STX8: variants seen among roughly 807,000 people sequenced by gnomAD.
STX8 encodes syntaxin 8, also known as syntaxin-8.
STX8 carries 23 observed loss-of-function variants against 37.5 expected under a neutral mutation model. The ratio of observed to expected loss-of-function variants is 0.61; its 90% CI spans 0.44 to 0.87. The LOEUF (loss-of-function observed/expected upper bound fraction) is 0.87, where lower values mean the gene tolerates loss of function less well. Ranked by LOEUF, STX8 falls within the 40% of genes least tolerant of loss-of-function variation. The probability of loss-of-function intolerance (pLI) is 0.00; values close to 1 mark genes in which losing one functional copy is unlikely to be tolerated. For synonymous variants in STX8, 115 were observed against 99.1 expected (o/e 1.16, Z -0.95); for missense variants, 313 against 284.7 (o/e 1.10, Z -0.71).
intron 4 of STX8, among the ~76,000 whole-genome samples, chr17:9,522,109 G>A (rs779257389): frequency 6.6e-6 from 1 of 151,890 alleles, no homozygotes. Flanking sequence ...GCCATCTTAA[G>A]CAAAAAACAA....
chr17:9,465,088 A>G (rs1905552483), intron 6 of STX8, among the ~76,000 whole-genome samples: 1 of 152,034 alleles, frequency 6.6e-6, no homozygotes, highest in East Asian at 1.9e-4. Context: ...ATTCTCCACC[A>G]TGAAGCTATT....
At chr17:9,386,642 G>GAGTC (rs146073696) in intron 6 of STX8, among the ~76,000 whole-genome samples, 5,416 of 152,154 alleles carry the variant, frequency 0.036, 197 homozygotes, top group African/African-American at 0.098. Context: ...AGACCTGCAA[G>GAGTC]AGTCATGCAA....
chr17:9,470,737 CTTTTTTT>C (rs1301463353), intron 6 of STX8, among the ~76,000 whole-genome samples: 4 of 151,748 alleles, frequency 2.6e-5, no homozygotes, highest in African/African-American at 7.3e-5. Context: ...TTTCTTTTTT[CTTTTTTT>C]GAGACAGAGT....
chr17:9,424,827 C>T (rs1913568120), intron 6 of STX8, among the ~76,000 whole-genome samples: 1 of 152,212 alleles, frequency 6.6e-6, no homozygotes, highest in Admixed American at 6.5e-5. Context: ...CTTTGTATAT[C>T]TTCCGAGGAT....
intron 7 of STX8, among the ~76,000 whole-genome samples, chr17:9,328,804 CT>C (rs1389191400): frequency 6.6e-6 from 1 of 152,074 alleles, no homozygotes; most frequent in Admixed American, 6.6e-5. Context: ...AATCCCAGCA[CT>C]TTGGGAGGCT....
At chr17:9,570,630 T>C (rs748912300) in intron 1 of STX8, among the ~76,000 whole-genome samples, 8 of 152,012 alleles carry the variant, frequency 5.3e-5, no homozygotes, top group African/African-American at 1.7e-4. Flanking sequence ...ATAAGGAAAA[T>C]TGGGTCCTGG....
At chr17:9,499,772 C>T (rs543836669) in intron 5 of STX8, among the ~76,000 whole-genome samples, 3 of 152,174 alleles carry the variant, frequency 2.0e-5, no homozygotes, top group Non-Finnish European at 2.9e-5. Context: ...TGCCGCTCCC[C>T]GCAAACTCCA....
At chr17:9,499,459 C>A (rs1192629224) in intron 5 of STX8, among the ~76,000 whole-genome samples, 5 of 152,156 alleles carry the variant, frequency 3.3e-5, no homozygotes, top group African/African-American at 1.2e-4. Context: ...AGTGTAGTAG[C>A]ACAATCTCGG....
At chr17:9,385,027 AAGAG>A (rs778675656) in intron 6 of STX8, among the ~76,000 whole-genome samples, 1 of 151,968 alleles carries the variant, frequency 6.6e-6, no homozygotes, top group East Asian at 1.9e-4. Context: ...AAAAAAAAAA[AAGAG>A]AGAAAATTTT....
intron 6 of STX8, among the ~76,000 whole-genome samples, chr17:9,419,509 T>C (rs1266171452): frequency 6.6e-6 from 1 of 152,164 alleles, no homozygotes; most frequent in Non-Finnish European, 1.5e-5. Context: ...GTTGGATCAT[T>C]CACAAGAGAA....
At chr17:9,569,001 G>A (rs1407963635) in intron 1 of STX8, among the ~76,000 whole-genome samples, 1 of 152,206 alleles carries the variant, frequency 6.6e-6, no homozygotes, top group African/African-American at 2.4e-5. Context: ...TATGAAGTGG[G>A]TACCATTACC....
intron 6 of STX8, among the ~76,000 whole-genome samples, chr17:9,383,544 A>T (rs1555603643): frequency 6.6e-6 from 1 of 152,186 alleles, no homozygotes; most frequent in Non-Finnish European, 1.5e-5. Context: ...AACATGGAAC[A>T]TTTTTTATCT....
intron 6 of STX8, among the ~76,000 whole-genome samples, chr17:9,468,073 A>G (rs1330347516): frequency 6.6e-6 from 1 of 152,208 alleles, no homozygotes; most frequent in African/African-American, 2.4e-5. Context: ...ATGGTTAGAA[A>G]TAGCGTAGAA....
chr17:9,481,072 G>C (rs1324473788), intron 6 of STX8, among the ~76,000 whole-genome samples: 1 of 152,124 alleles, frequency 6.6e-6, no homozygotes, highest in African/African-American at 2.4e-5. Context: ...TTTTAGTAGA[G>C]ACAGGTTTCA....
chr17:9,390,352 T>C (rs1912169473), intron 6 of STX8, among the ~76,000 whole-genome samples: 1 of 151,458 alleles, frequency 6.6e-6, no homozygotes, highest in Non-Finnish European at 1.5e-5. Flanking sequence ...TGAAACCCCG[T>C]CTCTACTAAA....
Position 9,575,780 on chromosome 17 carries a change from CCCGGGACTCACCAGGG to C in STX8, c.13_17+11del. Reference sequence around the variant, plus strand: ...GTCCCTCCACGCACCGCCGCCCTCACCCGGGACTCACCAGGGGTCCGGTGCCATCCTGCAGACTCCG... The same window carrying C: ...GTCCCTCCACGCACCGCCGCCCTCACGTCCGGTGCCATCCTGCAGACTCCG... On this transcript the variant is annotated splice_donor_variant and splice_donor_5th_base_variant and coding_sequence_variant and intron_variant, in exon 1 of 8. Coordinates refer to ENST00000306357, the MANE Select transcript of STX8 (RefSeq NM_004853.3). LOFTEE classifies it high-confidence loss of function. 2.6e-6 allele frequency: 4 copies of C among 1,546,148 alleles called. No homozygotes were observed. Among genetic ancestry groups the C allele is most frequent in the Non-Finnish European group, 3.5e-6 (4 of 1,146,402 alleles).
At chr17:9,372,337 T>C (rs1346890725) in intron 7 of STX8, among the ~76,000 whole-genome samples, 2 of 152,116 alleles carry the variant, frequency 1.3e-5, no homozygotes, top group Admixed American at 1.3e-4. Flanking sequence ...GGGGTCCCAG[T>C]TTCTTGTGGG....
At chr17:9,551,446 A>G (rs1425584602) in intron 3 of STX8, among the ~76,000 whole-genome samples, 2 of 152,202 alleles carry the variant, frequency 1.3e-5, no homozygotes, top group African/African-American at 4.8e-5. Flanking sequence ...ATGATAAAAT[A>G]ATCAATAGCA....
intron 7 of STX8, among the ~76,000 whole-genome samples, chr17:9,280,889 T>C (rs1187341878): frequency 2.6e-5 from 4 of 152,108 alleles, no homozygotes; most frequent in Non-Finnish European, 1.5e-5. Context: ...CGTAAGGAAA[T>C]TGATGTGGAG....
Sources: gnomAD v4.1 joint callset for allele counts (sites outside exome capture counted in the v4.1 genomes callset) on GRCh38, gnomAD v4.1.1 for gene constraint, MANE v1.5 for transcripts, NCBI Gene and HGNC (gene_info 2026-07-23, HGNC 2026-07-21) for gene names.